RAD23B: variants seen among roughly 807,000 people sequenced by gnomAD.
The protein encoded by RAD23B is lysine-specific demethylase RAD23B.
Under a neutral mutation model 49.1 loss-of-function variants are expected in RAD23B, and 5 were observed. The observed-to-expected ratio is 0.10, with a 90% CI of 0.05 to 0.21. The LOEUF is 0.21. RAD23B is among the 10% of genes least tolerant of loss of function. The probability of loss-of-function intolerance (pLI) is 1.00; values close to 1 mark genes in which losing one functional copy is unlikely to be tolerated. For missense variants in RAD23B, 356 were observed against 486.7 expected (o/e 0.73, Z 2.53); for synonymous variants, 184 against 165.4 (o/e 1.11, Z -0.86).
chr9:107,283,837 C>A, intron 1 of RAD23B, 142 bp downstream of exon 1: 1 of 917,922 alleles, frequency 1.1e-6, no homozygotes, highest in Non-Finnish European at 1.4e-6. Flanking sequence ...CCGGCCCTGG[C>A]GGCGTACAGC....
At chr9:107,291,655 C>G (rs1833387023) in intron 1 of RAD23B, among the ~76,000 whole-genome samples, 1 of 152,096 alleles carries the variant, frequency 6.6e-6, no homozygotes, top group Non-Finnish European at 1.5e-5. Flanking sequence ...TATCAGGAAC[C>G]TACCTTGGGA....
intron 3 of RAD23B, among the ~76,000 whole-genome samples, chr9:107,305,063 C>T (rs936690569): frequency 4.0e-5 from 6 of 151,684 alleles, no homozygotes; most frequent in East Asian, 3.9e-4. Context: ...CCAAGGTGGG[C>T]GGATCGCTTG....
Position 107,283,671 on chromosome 9 carries a change from G to A in RAD23B, c.42G>A (p.Lys14=), listed in dbSNP as rs1330040370. 13 of 1,481,946 alleles carry A rather than the reference G, an allele frequency of 8.8e-6. No individual in the cohort carries two copies. Among genetic ancestry groups the A allele is most frequent in the Admixed American group, 2.3e-5 (1 of 43,164 alleles). 91.8% of individuals were successfully genotyped at this position (1,481,946 alleles called of 1,614,324 possible). A position where few individuals can be genotyped will look rare whatever the true frequency, so the allele number is the denominator to read the frequency against. The part of the protein sequence containing the change: ...TLKTLQQQTF[K]IDIDPEETVK... ...AGACCCTCCAGCAGCAGACCTTCAA[G>A]ATAGACATTGACCCCGAGGAGACGG... is the stretch of plus-strand genomic sequence containing the variant. Residue 14 remains lysine (K), a synonymous_variant, in exon 1 of 10, where the codon AAG becomes AAA. Transcript: ENST00000358015.
rs750906737 is a variant in RAD23B, at chr9:107,331,679, A to C, written c.*2023A>C. 33 of 682,674 alleles carry C rather than the reference A, an allele frequency of 4.8e-5. No homozygotes were observed. The highest frequency in any genetic ancestry group is 4.7e-4 in the Middle Eastern group (2 of 4,258). The allele number at this position is 682,674 out of a possible 1,614,324, so 42.3% of individuals were successfully genotyped here. ...TCTCTGTCTACTCAGATCATAGTGA[A>C]AACTGGAAACAAAAAAAAAAAACAG... On this transcript the variant is annotated 3_prime_UTR_variant, in exon 10 of 10. Coordinates refer to ENST00000358015, the MANE Select transcript of RAD23B (RefSeq NM_002874.5).
intron 1 of RAD23B, chr9:107,284,270 TTCC>T: frequency 2.1e-6 from 2 of 972,764 alleles, no homozygotes; most frequent in South Asian, 9.5e-5. Context: ...TTCTGCTGCC[TTCC>T]TCCCGCCACC....
chr9:107,324,818 C>T lies in RAD23B; in HGVS notation c.946-16C>T, dbSNP rs774009963. 16 of 1,580,808 alleles carry T rather than the reference C, an allele frequency of 1.0e-5. No homozygotes were observed. The highest frequency in any genetic ancestry group is 2.2e-4 in the Middle Eastern group (1 of 4,450). On this transcript the variant is annotated splice_polypyrimidine_tract_variant and intron_variant, in intron 8 of 9. Transcript: ENST00000358015. ...TATCAGTGTATTATTTTTCTCTGTCCTTCATATCACCACAGCAAATTAGCC... is the reference window on the plus strand; with the variant it reads ...TATCAGTGTATTATTTTTCTCTGTCTTTCATATCACCACAGCAAATTAGCC...
intron 1 of RAD23B, among the ~76,000 whole-genome samples, chr9:107,293,569 AC>A (rs1368321296): frequency 1.3e-5 from 2 of 152,252 alleles, no homozygotes; most frequent in Non-Finnish European, 2.9e-5. Context: ...CAACATAGTT[AC>A]AAAAGTAAGA....
At position 107,283,490 on chromosome 9, in the gene RAD23B, T is replaced by C. The variant is rs1833198572; in HGVS notation, c.-140T>C. The stretch of plus-strand genomic sequence containing the variant: ...GGGAGAGGCCGCTCCGCTGGGCGAA[T>C]GTGACAAGCCCCCACCCCCACCGCC... On this transcript the variant is annotated 5_prime_UTR_variant, in exon 1 of 10. An upstream start codon of the reference 5' UTR is lost. Transcript: ENST00000358015. The C allele has an allele frequency of 1.8e-6, 1 of 549,152 alleles. No individual in the cohort carries two copies. The highest frequency in any genetic ancestry group is 3.0e-6 in the Non-Finnish European group (1 of 338,184). The allele number at this position is 549,152 out of a possible 1,614,324, so 34.0% of individuals were successfully genotyped here. A position where few individuals can be genotyped will look rare whatever the true frequency, so the allele number is the denominator to read the frequency against.
intron 5 of RAD23B, among the ~76,000 whole-genome samples, chr9:107,313,489 G>T (rs1826929935): frequency 6.6e-6 from 1 of 152,190 alleles, no homozygotes; most frequent in African/African-American, 2.4e-5. Flanking sequence ...CCTCCAAAGT[G>T]CTGGGGTTAC....
chr9:107,287,844 A>C (rs985949637), intron 1 of RAD23B, among the ~76,000 whole-genome samples: 5 of 150,964 alleles, frequency 3.3e-5, no homozygotes, highest in East Asian at 3.9e-4. Context: ...CAAAAAAAAA[A>C]AAAAAACAAA....
intron 1 of RAD23B, among the ~76,000 whole-genome samples, chr9:107,297,862 T>G (rs1401909654): frequency 6.6e-6 from 1 of 152,198 alleles, no homozygotes; most frequent in Non-Finnish European, 1.5e-5. Flanking sequence ...CATTGTAACC[T>G]GTCAAGAATG....
At chr9:107,303,901 G>T (rs762349449) in intron 3 of RAD23B, among the ~76,000 whole-genome samples, 1 of 152,122 alleles carries the variant, frequency 6.6e-6, no homozygotes, top group South Asian at 2.1e-4. Context: ...GTCTCAATAG[G>T]TGCGTGTGTT....
chr9:107,310,751 T>C (rs1826873646), intron 4 of RAD23B, among the ~76,000 whole-genome samples: 1 of 152,216 alleles, frequency 6.6e-6, no homozygotes, highest in Admixed American at 6.5e-5. Context: ...GACACTTTGC[T>C]AAGCACTGTA....
intron 3 of RAD23B, 131 bp from the exon 4 acceptor site, chr9:107,306,248 A>G (rs999428654): frequency 4.9e-6 from 4 of 820,078 alleles, no homozygotes; most frequent in Non-Finnish European, 3.7e-6. Context: ...GTGTCATTTT[A>G]CAAAATTATT....
At chr9:107,317,095 CGTGTGT>C (rs10603112) in intron 5 of RAD23B, among the ~76,000 whole-genome samples, 115,144 of 149,914 alleles carry the variant, frequency 0.77, 44,236 homozygotes, top group Middle Eastern at 0.84. Flanking sequence ...CACACGCGTG[CGTGTGT>C]GTGTGTGTGT....
chr9:107,311,943 T>C (rs1328644997), intron 5 of RAD23B, among the ~76,000 whole-genome samples: 1 of 152,242 alleles, frequency 6.6e-6, no homozygotes, highest in East Asian at 1.9e-4. Flanking sequence ...TTGCTCTGAG[T>C]TGAGCCTACT....
At chr9:107,322,283 C>T (rs998032303) in intron 7 of RAD23B, among the ~76,000 whole-genome samples, 165 bp downstream of exon 7, 1 of 152,206 alleles carries the variant, frequency 6.6e-6, no homozygotes, top group Non-Finnish European at 1.5e-5. Flanking sequence ...GAAACTTTCC[C>T]AAGTGGATGT....
At chr9:107,299,697 A>G (rs1024687472) in intron 1 of RAD23B, among the ~76,000 whole-genome samples, 3 of 152,196 alleles carry the variant, frequency 2.0e-5, no homozygotes, top group African/African-American at 7.2e-5. Flanking sequence ...ATGAAACATA[A>G]CACTTAAAAT....
At chr9:107,302,663 T>G (rs1826679685) in intron 3 of RAD23B, among the ~76,000 whole-genome samples, 1 of 150,838 alleles carries the variant, frequency 6.6e-6, no homozygotes, top group African/African-American at 2.4e-5. Context: ...TTGTTTTGTT[T>G]TTTTTTTTTT....
Sources: gnomAD v4.1 joint callset for allele counts (sites outside exome capture counted in the v4.1 genomes callset) on GRCh38, gnomAD v4.1.1 for gene constraint, MANE v1.5 for transcripts, NCBI Gene and HGNC (gene_info 2026-07-23, HGNC 2026-07-21) for gene names.